The following CKMT1A variants were observed in gnomAD, a reference collection of about 807,000 sequenced individuals.
The protein encoded by CKMT1A is creatine kinase, mitochondrial 1A.
Under a neutral mutation model 21.8 loss-of-function variants are expected in CKMT1A, and 23 were observed. The ratio of observed to expected loss-of-function variants is 1.05; its 90% confidence interval spans 0.76 to 1.49. CKMT1A has a LOEUF of 1.49. Among genes scored for constraint, CKMT1A ranks in the 40% most tolerant of loss-of-function variants. The pLI, the probability that CKMT1A is intolerant of heterozygous loss-of-function variation, is 0.00. For missense variants in CKMT1A, 154 were observed against 229.4 expected, an observed-to-expected ratio of 0.67 and a Z score of 2.12; for synonymous variants, 67 against 80.4, an observed-to-expected ratio of 0.83 and a Z score of 0.89.
At chr15:43,697,079 T>G in intron 6 of CKMT1A, 1 of 394,820 alleles carries the variant, frequency 2.5e-6, no homozygotes, top group Non-Finnish European at 4.3e-6. Flanking sequence ...TTTCTACTAT[T>G]TTTGGCAAGT....
chr15:43,697,816 C>T, intron 6 of CKMT1A, 198 bp from the exon 7 acceptor site: 2 of 981,190 alleles, frequency 2.0e-6, no homozygotes, highest in Non-Finnish European at 2.4e-6. Flanking sequence ...CATTATTATG[C>T]ACATCATAAT....
In CKMT1A at chr15:43,697,116, T is replaced by C. The variant is rs991377643; in HGVS notation, c.876+753T>C. ...ATAGATAACATATTCTGACTATGAG[T>C]GGGTAGGGAAGTACCTTTAAATTAT... On this transcript the variant is annotated intron_variant, in intron 6 of 8. Coordinates refer to ENST00000413453, the MANE Select transcript of CKMT1A (RefSeq NM_001321926.2). 4 of 651,536 alleles carry C rather than the reference T, an allele frequency of 6.1e-6. No homozygotes were observed. The African/African-American group carries it at 7.7e-5, about 13-fold the overall frequency. 40.4% of individuals were successfully genotyped at this position (651,536 alleles called of 1,614,324 possible).
At position 43,697,276 on chromosome 15, in the gene CKMT1A, G is replaced by A. The variant is rs189514749; in HGVS notation, c.877-738G>A. The A allele has an allele frequency of 1.8e-4, 226 of 1,238,564 alleles. 1 individual carries two copies. Among genetic ancestry groups the A allele is most frequent in the Non-Finnish European group, 2.3e-4 (217 of 962,112 alleles). 76.7% of individuals were successfully genotyped at this position (1,238,564 alleles called of 1,614,324 possible). A position where few individuals can be genotyped will look rare whatever the true frequency, so the allele number is the denominator to read the frequency against. On this transcript the variant is annotated intron_variant, in intron 6 of 8. Coordinates refer to ENST00000413453, the MANE Select transcript of CKMT1A (RefSeq NM_001321926.2). ...CTTAATAAGTGTTAAAGTGTTAGCT[G>A]CAATATTATTCTGGATGGAAGAGTT... is the stretch of plus-strand genomic sequence containing the variant.
At chr15:43,697,361 C>A in intron 6 of CKMT1A, 1 of 1,235,680 alleles carries the variant, frequency 8.1e-7, no homozygotes, top group Non-Finnish European at 1.0e-6. Flanking sequence ...GAACTACAAA[C>A]AGGATCCCTT....
chr15:43,697,365 A>G (rs1229754856), intron 6 of CKMT1A: 1 of 1,232,688 alleles, frequency 8.1e-7, no homozygotes, highest in Non-Finnish European at 1.0e-6. Flanking sequence ...TACAAACAGG[A>G]TCCCTTTACT....
At chr15:43,696,813 C>T (rs1567143311) in intron 6 of CKMT1A, 2 of 249,568 alleles carry the variant, frequency 8.0e-6, no homozygotes, top group African/African-American at 2.3e-5. Flanking sequence ...GTTAAAGTAT[C>T]GGGTCTAGGC....
At chr15:43,696,681 G>A (rs2086452077) in intron 6 of CKMT1A, 1 of 386,304 alleles carries the variant, frequency 2.6e-6, no homozygotes, top group Non-Finnish European at 4.8e-6. Flanking sequence ...GAGGTGTGCA[G>A]ATAAGGAAAA....
At chr15:43,696,839 C>T (rs2086454508) in intron 6 of CKMT1A, 1 of 283,216 alleles carries the variant, frequency 3.5e-6, no homozygotes, top group Admixed American at 5.0e-5. Flanking sequence ...GTTGAGAGTT[C>T]AGAGGGAGAC....
intron 6 of CKMT1A, 161 bp downstream of exon 6, chr15:43,696,524 G>A: frequency 1.8e-6 from 2 of 1,136,006 alleles, no homozygotes; most frequent in Admixed American, 2.7e-5. Flanking sequence ...AACCAGCTGG[G>A]ACCATACTGG....
At chr15:43,698,329 T>C (rs2467430) in intron 7 of CKMT1A, among the ~76,000 whole-genome samples, 181 bp downstream of exon 7, 16 of 151,642 alleles carry the variant, frequency 1.1e-4, no homozygotes, top group Admixed American at 6.6e-5. Context: ...AGGCAGATCA[T>C]TTGAGCCCAG....
intron 6 of CKMT1A, chr15:43,696,783 C>G (rs1362464538): frequency 4.2e-6 from 1 of 237,068 alleles, no homozygotes; most frequent in Non-Finnish European, 8.4e-6. Flanking sequence ...TAGGCCTTGA[C>G]TCTGGATTCT....
chr15:43,697,586 C>G (rs777114777), intron 6 of CKMT1A: 5 of 983,996 alleles, frequency 5.1e-6, no homozygotes, highest in Non-Finnish European at 6.0e-6. Context: ...GTTATCTCAC[C>G]TCTTCCTGGC....
rs574867607 is a variant in CKMT1A, at chr15:43,698,519, A to G, written c.1012-122A>G. 1.1e-4 allele frequency: 151 copies of G among 1,409,764 alleles called. 2 individuals carry two copies. In the African/African-American group the frequency reaches 1.9e-3, roughly 18 times the overall value. 87.3% of individuals were successfully genotyped at this position (1,409,764 alleles called of 1,614,324 possible). ...AGAGAGACCCTGTCTAAAAAAAAAA[A>G]AAAAGAAAAAAGGAAAAAAAAAAGT... On this transcript the variant is annotated intron_variant, in intron 7 of 8. Coordinates refer to ENST00000413453, the MANE Select transcript of CKMT1A (RefSeq NM_001321926.2).
At chr15:43,698,803 G>A (rs552966570) in intron 8 of CKMT1A, 37 bp downstream of exon 8, 6 of 1,611,586 alleles carry the variant, frequency 3.7e-6, no homozygotes, top group Non-Finnish European at 5.1e-6. Flanking sequence ...GAGAGGTATA[G>A]GTCTGTGGGG....
intron 5 of CKMT1A, 46 bp from the exon 6 acceptor site, chr15:43,696,194 C>T (rs2086441068): frequency 1.4e-6 from 2 of 1,467,344 alleles, no homozygotes; most frequent in Non-Finnish European, 1.8e-6. Flanking sequence ...CTATCTCTCC[C>T]AATTCTTGCC....
Position 43,698,781 on chromosome 15 carries a change from G to T in CKMT1A, c.1137+15G>T. ...GCAAATCAGAGGTGAGATCCTAAGG[G>T]ATTAGGATGAGGAGAGGTATAGGTC... On this transcript the variant is annotated intron_variant, in intron 8 of 8. Transcript: ENST00000413453. 6.2e-7 allele frequency: 1 copy of T among 1,613,618 alleles called. No homozygotes were observed. The highest frequency in any genetic ancestry group is 1.1e-5 in the South Asian group (1 of 91,026).
chr15:43,698,686 C>G lies in CKMT1A; in HGVS notation c.1057C>G (p.Arg353Gly). The G allele has an allele frequency of 6.2e-7, 1 of 1,613,564 alleles. No individual in the cohort carries two copies. Among genetic ancestry groups the G allele is most frequent in the Non-Finnish European group, 8.5e-7 (1 of 1,179,808 alleles). ...KILENLRLQK[R>G]GTGGVDTAAT... ...CCTGGAGAACCTAAGACTCCAAAAG[C>G]GTGGTACTGGAGGAGTGGACACTGC... The change falls in exon 8 of 9, where the codon CGT (arginine) becomes GGT (glycine). Residue 353 changes from arginine to glycine, a missense_variant. By Grantham distance (125) the Arg-to-Gly change is moderately radical. Coordinates refer to ENST00000413453, the MANE Select transcript of CKMT1A (RefSeq NM_001321926.2).
Position 43,696,535 on chromosome 15 carries a change from G to T in CKMT1A, c.876+172G>T, listed in dbSNP as rs1250146033. ...TATAAACCAGCTGGGACCATACTGG[G>T]AAAACCAGGACATGTGGTCACACTA... On this transcript the variant is annotated intron_variant, in intron 6 of 8. Transcript: ENST00000413453. 16 of 997,116 alleles carry T rather than the reference G, an allele frequency of 1.6e-5. No individual in the cohort carries two copies. In the Admixed American group the frequency reaches 4.5e-4, roughly 28 times the overall value. 61.8% of individuals were successfully genotyped at this position (997,116 alleles called of 1,614,324 possible).
At position 43,698,755 on chromosome 15, in the gene CKMT1A, G is replaced by T. The variant is rs1384495973; in HGVS notation, c.1126G>T (p.Gly376Cys). The change falls in exon 8 of 9, where the codon GGC (glycine) becomes TGC (cysteine). Residue 376 changes from glycine (G) to cysteine (C), a missense_variant. Transcript: ENST00000413453. The stretch of plus-strand genomic sequence containing the variant: ...TGATATTTCTAATTTGGACCGACTA[G>T]GCAAATCAGAGGTGAGATCCTAAGG... ...VFDISNLDRL[G>C]KSEVELVQLV... The T allele has an allele frequency of 6.2e-7, 1 of 1,613,714 alleles. No homozygotes were observed. The highest frequency in any genetic ancestry group is 8.5e-7 in the Non-Finnish European group (1 of 1,179,870).
Sources: allele counts gnomAD v4.1 joint callset (sites outside exome capture counted in the v4.1 genomes callset), GRCh38; gene constraint gnomAD v4.1.1; transcripts MANE v1.5; gene names NCBI Gene and HGNC (gene_info 2026-07-23, HGNC 2026-07-21).